DEPDC5: variants seen among roughly 807,000 people sequenced by gnomAD.
The protein encoded by DEPDC5 is GATOR1 complex protein DEPDC5.
In DEPDC5, 73 loss-of-function variants were observed where a neutral mutation model predicts 217.3. That is an observed-to-expected ratio of 0.34 (90% CI 0.28 to 0.41). The LOEUF (loss-of-function observed/expected upper bound fraction) is 0.41. DEPDC5 is among the 10% of genes least tolerant of loss of function. The pLI, the probability that DEPDC5 is intolerant of heterozygous loss-of-function variation, is 1.00. For synonymous variants in DEPDC5, 733 were observed against 756.7 expected (o/e 0.97, Z 0.51); for missense variants, 1,675 against 2,070.1 (o/e 0.81, Z 3.70).
intron 25 of DEPDC5, chr22:31,834,400 G>A (rs927614116): frequency 3.5e-5 from 7 of 198,114 alleles, no homozygotes; most frequent in African/African-American, 1.6e-4. Context: ...GAATAGCTAT[G>A]CAGTAAGAGA....
chr22:31,832,025 T>C (rs1378702577), intron 24 of DEPDC5, among the ~76,000 whole-genome samples: 1 of 152,262 alleles, frequency 6.6e-6, no homozygotes, highest in East Asian at 1.9e-4. Context: ...TCATACAGTA[T>C]GTAATTTTTT....
rs13057856 is a variant in DEPDC5, at chr22:31,815,737, C to T, written c.1666+525C>T. On this transcript the variant is annotated intron_variant, in intron 21 of 42. Coordinates refer to ENST00000651528, the MANE Select transcript of DEPDC5 (RefSeq NM_001242896.3). Reference sequence around the variant, plus strand: ...TTTGTAGAGGTGGGGTTTTACCATTCCCAGGCTGGTCTTGAACTCCTGGAC... The same window carrying T: ...TTTGTAGAGGTGGGGTTTTACCATTTCCAGGCTGGTCTTGAACTCCTGGAC... 0.032 allele frequency: 31,167 copies of T among 965,026 alleles called. 634 individuals carry two copies. The highest frequency in any genetic ancestry group is 0.036 in the Non-Finnish European group (26,031 of 716,724). 59.8% of individuals were successfully genotyped at this position (965,026 alleles called of 1,614,324 possible). A position where few individuals can be genotyped will look rare whatever the true frequency, so the allele number is the denominator to read the frequency against.
Position 31,901,905 on chromosome 22 carries a change from A to G in DEPDC5, c.4436+103A>G, listed in dbSNP as rs544585741. 1.3e-5 allele frequency: 14 copies of G among 1,090,352 alleles called. No homozygotes were observed. The African/African-American group carries it at 2.2e-4, about 17-fold the overall frequency. The allele number at this position is 1,090,352 out of a possible 1,614,324, so 67.5% of individuals were successfully genotyped here. On this transcript the variant is annotated intron_variant, in intron 41 of 42. Transcript: ENST00000651528. ...ATTTTTTTAGCTCCTAGAGAAAGGG[A>G]TGTATTCCACCAATGGCAAATTCAC... is the stretch of plus-strand genomic sequence containing the variant.
chr22:31,805,169 T>G, intron 17 of DEPDC5: 1 of 282,604 alleles, frequency 3.5e-6, no homozygotes, highest in Non-Finnish European at 6.8e-6. Flanking sequence ...TGTCCTTCTA[T>G]TCCCAACTCC....
At chr22:31,864,972 T>C (rs2092645659) in intron 33 of DEPDC5, among the ~76,000 whole-genome samples, 1 of 141,406 alleles carries the variant, frequency 7.1e-6, no homozygotes, top group African/African-American at 3.2e-5. Flanking sequence ...ATTACAGAAG[T>C]GAGCCATCGC....
intron 30 of DEPDC5, among the ~76,000 whole-genome samples, chr22:31,845,932 C>T (rs866521429): frequency 1.3e-4 from 20 of 151,000 alleles, no homozygotes; most frequent in African/African-American, 4.6e-4. Flanking sequence ...ATGATCATGG[C>T]TCACTGCAGC....
intron 2 of DEPDC5, 112 bp from the exon 3 acceptor site, chr22:31,758,434 C>G: frequency 1.1e-6 from 1 of 872,704 alleles, no homozygotes; most frequent in Non-Finnish European, 1.9e-6. Flanking sequence ...AGAACCTCAT[C>G]TGTCAATGGG....
chr22:31,867,483 A>G (rs1208964671), intron 33 of DEPDC5, among the ~76,000 whole-genome samples: 1 of 152,222 alleles, frequency 6.6e-6, no homozygotes. Context: ...GGATCTAAAC[A>G]AAATGCCTTT....
At chr22:31,902,762 T>C (rs1472513537) in intron 41 of DEPDC5, among the ~76,000 whole-genome samples, 5 of 152,186 alleles carry the variant, frequency 3.3e-5, no homozygotes, top group African/African-American at 9.6e-5. Flanking sequence ...GCCTCCATTT[T>C]CTTACCCCTC....
intron 10 of DEPDC5, 187 bp downstream of exon 10, chr22:31,785,062 C>T (rs2084842114): frequency 3.7e-6 from 2 of 535,050 alleles, no homozygotes; most frequent in East Asian, 6.5e-5. Flanking sequence ...TAACATCACA[C>T]TCAATGGTAA....
At chr22:31,888,574 G>C (rs181718318) in intron 38 of DEPDC5, among the ~76,000 whole-genome samples, 25 of 151,542 alleles carry the variant, frequency 1.6e-4, no homozygotes, top group Non-Finnish European at 2.8e-4. Context: ...TTTTGACACA[G>C]AGTCTTGCTC....
chr22:31,797,730 C>T lies in DEPDC5; in HGVS notation c.871+27C>T, dbSNP rs370827628. 1.6e-5 allele frequency: 25 copies of T among 1,565,138 alleles called. No homozygotes were observed. In the African/African-American group the frequency reaches 2.8e-4, roughly 18 times the overall value. ...TACTGCATTCATGTAATAGATGGTG[C>T]GGCGGGGAAAGGAAGTGTAGGAGGG... is the stretch of plus-strand genomic sequence containing the variant. On this transcript the variant is annotated intron_variant, in intron 13 of 42. Transcript: ENST00000651528.
intron 37 of DEPDC5, among the ~76,000 whole-genome samples, chr22:31,876,930 A>G (rs897417776): frequency 1.3e-5 from 2 of 152,156 alleles, no homozygotes; most frequent in African/African-American, 4.8e-5. Flanking sequence ...AGGCTGGCAG[A>G]TCACTTGACG....
intron 41 of DEPDC5, among the ~76,000 whole-genome samples, chr22:31,903,929 T>C (rs537624881): frequency 3.3e-5 from 5 of 152,168 alleles, no homozygotes; most frequent in Non-Finnish European, 7.4e-5. Context: ...GCAAGGTGCC[T>C]GCCTAGAGTA....
chr22:31,902,664 C>T (rs1411399052), intron 41 of DEPDC5, among the ~76,000 whole-genome samples: 2 of 151,950 alleles, frequency 1.3e-5, no homozygotes, highest in African/African-American at 4.8e-5. Context: ...TGGGAAAGGG[C>T]CTTGATGTAC....
At chr22:31,893,963 G>A (rs2093494334) in intron 39 of DEPDC5, 1 of 483,238 alleles carries the variant, frequency 2.1e-6, no homozygotes, top group East Asian at 4.2e-5. Context: ...AGCCTTAGCA[G>A]TATTGACATC....
intron 14 of DEPDC5, among the ~76,000 whole-genome samples, chr22:31,800,029 C>T (rs2086708634): frequency 6.6e-6 from 1 of 151,950 alleles, no homozygotes; most frequent in South Asian, 2.1e-4. Context: ...TCTCGATCTC[C>T]TGACCTCGTG....
At chr22:31,885,667 G>A (rs2093289929) in intron 38 of DEPDC5, among the ~76,000 whole-genome samples, 1 of 150,034 alleles carries the variant, frequency 6.7e-6, no homozygotes, top group African/African-American at 2.5e-5. Context: ...AGAGCTTGCA[G>A]TGAGCCGAGA....
chr22:31,875,861 G>A (rs1200224343), intron 36 of DEPDC5: 1 of 241,516 alleles, frequency 4.1e-6, no homozygotes, highest in African/African-American at 2.2e-5. Flanking sequence ...TTGAACTCCT[G>A]GCCTCAAGTG....
Sources: gnomAD v4.1 joint callset for allele counts (sites outside exome capture counted in the v4.1 genomes callset) on GRCh38, gnomAD v4.1.1 for gene constraint, MANE v1.5 for transcripts, NCBI Gene and HGNC (gene_info 2026-07-23, HGNC 2026-07-21) for gene names.